Variants in ZNF804B observed in about 807,000 individuals in gnomAD.
ZNF804B encodes the protein zinc finger protein 804B.
Under a neutral mutation model 101.4 loss-of-function variants are expected in ZNF804B, and 80 were observed. That is an observed-to-expected ratio of 0.79 (90% confidence interval 0.66 to 0.95). The LOEUF is 0.95. ZNF804B is among the 40% of genes least tolerant of loss of function. The pLI, the probability that ZNF804B is intolerant of heterozygous loss-of-function variation, is 0.00. For missense variants in ZNF804B, 1,673 were observed against 1,561.9 expected (o/e 1.07, Z -1.20); for synonymous variants, 622 against 558.8 (o/e 1.11, Z -1.59).
At chr7:88,845,945 A>T (rs1017032444) in intron 1 of ZNF804B, among the ~76,000 whole-genome samples, 1 of 152,222 alleles carries the variant, frequency 6.6e-6, no homozygotes, top group African/African-American at 2.4e-5. Flanking sequence ...AAAAGAGGAA[A>T]AAAAGGAAAG....
intron 1 of ZNF804B, among the ~76,000 whole-genome samples, chr7:89,157,966 G>A (rs1385103957): frequency 6.6e-6 from 1 of 152,094 alleles, no homozygotes; most frequent in African/African-American, 2.4e-5. Flanking sequence ...ATGACTCACA[G>A]CATAAAATAC....
chr7:89,266,212 C>A (rs991566637), intron 2 of ZNF804B, among the ~76,000 whole-genome samples: 1 of 152,066 alleles, frequency 6.6e-6, no homozygotes, highest in African/African-American at 2.4e-5. Flanking sequence ...GCCCTAACAC[C>A]CCTGCTGTTG....
At chr7:89,115,293 C>G (rs1411476624) in intron 1 of ZNF804B, among the ~76,000 whole-genome samples, 1 of 152,098 alleles carries the variant, frequency 6.6e-6, no homozygotes, top group African/African-American at 2.4e-5. Flanking sequence ...GCCAGAAGAC[C>G]TAATTTTTAA....
intron 1 of ZNF804B, among the ~76,000 whole-genome samples, chr7:88,773,517 T>C (rs1242353915): frequency 2.0e-5 from 3 of 152,142 alleles, no homozygotes; most frequent in African/African-American, 7.2e-5. Context: ...ATAAATCACA[T>C]TGTGGGAAGA....
intron 1 of ZNF804B, among the ~76,000 whole-genome samples, chr7:89,191,466 A>T (rs1235648039): frequency 6.6e-6 from 1 of 152,084 alleles, no homozygotes; most frequent in Non-Finnish European, 1.5e-5. Flanking sequence ...TTAAGGCCTC[A>T]TAAACCCTGA....
At chr7:88,865,634 C>T (rs1418299541) in intron 1 of ZNF804B, among the ~76,000 whole-genome samples, 3 of 152,220 alleles carry the variant, frequency 2.0e-5, no homozygotes, top group Admixed American at 6.5e-5. Context: ...TCTTAGTTCC[C>T]TCTCTCCTTT....
chr7:89,235,684 T>A (rs980472395), intron 2 of ZNF804B, among the ~76,000 whole-genome samples: 3 of 152,088 alleles, frequency 2.0e-5, no homozygotes, highest in East Asian at 1.9e-4. Flanking sequence ...GACAGTTTTT[T>A]AAAAAACTGT....
chr7:89,084,255 G>A (rs1487196234), intron 1 of ZNF804B, among the ~76,000 whole-genome samples: 3 of 151,988 alleles, frequency 2.0e-5, no homozygotes, highest in Non-Finnish European at 1.5e-5. Context: ...GTGGGAGTGG[G>A]AAGCAGAATC....
At chr7:89,125,894 C>T (rs533167237) in intron 1 of ZNF804B, among the ~76,000 whole-genome samples, 3 of 151,980 alleles carry the variant, frequency 2.0e-5, no homozygotes, top group Non-Finnish European at 4.4e-5. Flanking sequence ...TATTTTAATG[C>T]ATGTCGGCTA....
At chr7:89,214,910 G>C (rs537198654) in intron 1 of ZNF804B, among the ~76,000 whole-genome samples, 1 of 152,302 alleles carries the variant, frequency 6.6e-6, no homozygotes, top group African/African-American at 2.4e-5. Context: ...AGGTAGCATG[G>C]AGACAGTGAA....
intron 1 of ZNF804B, among the ~76,000 whole-genome samples, chr7:89,167,444 T>TATAAATAAATAAATAAATAA (rs3059362): frequency 0.011 from 1,221 of 112,526 alleles, 8 homozygotes; most frequent in Middle Eastern, 0.07. Flanking sequence ...GACAGTGTCT[T>TATAAATAAATAAATAAATAA]ATAAATAAAT....
At chr7:88,835,362 C>G (rs573231445) in intron 1 of ZNF804B, among the ~76,000 whole-genome samples, 1 of 151,940 alleles carries the variant, frequency 6.6e-6, no homozygotes, top group East Asian at 1.9e-4. Context: ...AAAGGGGAAC[C>G]AGGCCTTCTT....
At chr7:89,229,894 C>T (rs904387855) in intron 2 of ZNF804B, among the ~76,000 whole-genome samples, 38 of 151,778 alleles carry the variant, frequency 2.5e-4, no homozygotes, top group African/African-American at 8.5e-4. Flanking sequence ...AAACTAGACA[C>T]CTGTAATAAA....
chr7:89,140,486 G>A (rs781718712), intron 1 of ZNF804B, among the ~76,000 whole-genome samples: 32 of 152,176 alleles, frequency 2.1e-4, no homozygotes, highest in East Asian at 3.9e-4. Context: ...CATTGAAAAT[G>A]TGTTGTTTAA....
chr7:88,821,939 TGGCTTTTGG>T (rs1366964095), intron 1 of ZNF804B, among the ~76,000 whole-genome samples: 1 of 152,170 alleles, frequency 6.6e-6, no homozygotes, highest in Non-Finnish European at 1.5e-5. Context: ...GGAGCACCAT[TGGCTTTTGG>T]AACCATTCTA....
chr7:89,170,194 T>C (rs1791203027), intron 1 of ZNF804B, among the ~76,000 whole-genome samples: 1 of 152,190 alleles, frequency 6.6e-6, no homozygotes, highest in African/African-American at 2.4e-5. Flanking sequence ...CAAGTTGAAA[T>C]TGGGTATGAC....
intron 1 of ZNF804B, among the ~76,000 whole-genome samples, chr7:89,155,119 C>G (rs1350637698): frequency 6.6e-6 from 1 of 152,024 alleles, no homozygotes; most frequent in Non-Finnish European, 1.5e-5. Flanking sequence ...CCGGCTCCAC[C>G]CTGATGCTTT....
At chr7:88,899,752 C>CCAGGA (rs1216453856) in intron 1 of ZNF804B, among the ~76,000 whole-genome samples, 2 of 152,092 alleles carry the variant, frequency 1.3e-5, no homozygotes, top group Non-Finnish European at 2.9e-5. Context: ...CTGTTAGCTC[C>CCAGGA]CAGGACCATC....
intron 1 of ZNF804B, among the ~76,000 whole-genome samples, chr7:89,180,840 C>A (rs542515511): frequency 1.3e-5 from 2 of 148,648 alleles, no homozygotes; most frequent in East Asian, 4.0e-4. Flanking sequence ...CCAGGAATTG[C>A]ATTCCTTGTG....
Sources: allele counts gnomAD v4.1 joint callset (sites outside exome capture counted in the v4.1 genomes callset), GRCh38; gene constraint gnomAD v4.1.1; transcripts MANE v1.5; gene names NCBI Gene and HGNC (gene_info 2026-07-23, HGNC 2026-07-21).